Variants in FANCD2 observed in about 807,000 individuals in gnomAD.
The protein encoded by FANCD2 is Fanconi anemia group D2 protein.
A neutral mutation model predicts 192.3 loss-of-function variants in FANCD2; 131 were observed. That is an observed-to-expected ratio of 0.68 (90% CI 0.59 to 0.79). The LOEUF is 0.79. Among genes scored for constraint, FANCD2 ranks in the 30% least tolerant of loss-of-function variants. The pLI is 0.00. For missense variants in FANCD2, 1,508 were observed against 1,701.6 expected (o/e 0.89, Z 2.00); for synonymous variants, 524 against 612.5 (o/e 0.86, Z 2.13).
At chr3:10,029,000 C>T (rs967641358) in intron 2 of FANCD2, among the ~76,000 whole-genome samples, 2 of 152,108 alleles carry the variant, frequency 1.3e-5, no homozygotes, top group African/African-American at 4.8e-5. Context: ...GGTGTTGAGA[C>T]ACAAAGACAT....
At chr3:10,032,141 G>A (rs183218655) in intron 2 of FANCD2, among the ~76,000 whole-genome samples, 147 of 152,192 alleles carry the variant, frequency 9.7e-4, no homozygotes, top group African/African-American at 3.4e-3. Flanking sequence ...CACTGTGCTG[G>A]GTCGGAAATA....
chr3:10,079,230 C>A (rs1693692828), intron 30 of FANCD2, among the ~76,000 whole-genome samples: 1 of 150,308 alleles, frequency 6.7e-6, no homozygotes, highest in East Asian at 2.0e-4. Context: ...GGCATTAGAA[C>A]AAGACTCTGT....
intron 29 of FANCD2, among the ~76,000 whole-genome samples, chr3:10,076,842 C>G (rs1463379074): frequency 1.3e-5 from 2 of 152,182 alleles, no homozygotes; most frequent in Admixed American, 6.5e-5. Context: ...TCTTCTGCCT[C>G]CTGAGCTCAA....
intron 16 of FANCD2, among the ~76,000 whole-genome samples, chr3:10,048,672 A>G (rs1170652785): frequency 6.6e-6 from 1 of 152,234 alleles, no homozygotes; most frequent in African/African-American, 2.4e-5. Flanking sequence ...TTATGAAAGC[A>G]AGTAAAGAAC....
chr3:10,074,395 G>C (rs998347104), intron 28 of FANCD2, 135 bp from the exon 29 acceptor site: 2 of 775,032 alleles, frequency 2.6e-6, no homozygotes, highest in Non-Finnish European at 4.1e-6. Context: ...ACTTGGGCTA[G>C]AGGAAGTTGT....
rs76825922 is a variant in FANCD2 at position 10,087,283 on chromosome 3, T to C, written c.3466+19T>C. 2 of 634,450 alleles carry C rather than the reference T, an allele frequency of 3.2e-6. No individual in the cohort carries two copies. The highest frequency in any genetic ancestry group is 3.8e-5 in the Admixed American group (1 of 26,450). 39.3% of individuals were successfully genotyped at this position (634,450 alleles called of 1,614,324 possible). A position where few individuals can be genotyped will look rare whatever the true frequency, so the allele number is the denominator to read the frequency against. ...AAAATTGGTGATGGGCCTAGATCCT[T>C]TTTTTTTTTTTTTTTTTAATGAATA... On this transcript the variant is annotated intron_variant, in intron 34 of 43. Coordinates refer to ENST00000675286, the MANE Select transcript of FANCD2 (RefSeq NM_001018115.3).
intron 32 of FANCD2, among the ~76,000 whole-genome samples, chr3:10,084,227 C>G (rs375948560): frequency 1.3e-5 from 2 of 151,218 alleles, no homozygotes; most frequent in Non-Finnish European, 2.9e-5. Flanking sequence ...CTCCTGACCC[C>G]GTGATCTACC....
chr3:10,041,550 T>A (rs1179331434), intron 9 of FANCD2, 73 bp from the exon 10 acceptor site: 1 of 1,026,962 alleles, frequency 9.7e-7, no homozygotes, highest in Non-Finnish European at 1.5e-6. Context: ...TAATAAATGA[T>A]TTTCTCAAGT....
Position 10,081,148 on chromosome 3 carries a change from G to A in FANCD2, c.3025G>A (p.Ala1009Thr), listed in dbSNP as rs2125059522. 6.2e-7 allele frequency: 1 copy of A among 1,614,068 alleles called. No individual in the cohort carries two copies. Among genetic ancestry groups the A allele is most frequent in the South Asian group, 1.1e-5 (1 of 91,080 alleles). ...ATTCTCACATCTCCAACAGAGATCT[G>A]CCCAAGAAATTGTTCATTGTGTTTT... Reference protein sequence around the residue: ...IGFSHLQQRSAQEIVHCVFQL... With the variant: ...IGFSHLQQRSTQEIVHCVFQL... The change falls in exon 31 of 44, where the codon GCC (alanine) becomes ACC (threonine). Residue 1009 changes from alanine to threonine, a missense_variant. Physicochemically the swap from Ala to Thr is moderately conservative, Grantham distance 58 (BLOSUM62 0). This residue lies in a region of FANCD2 where 796 missense variants were observed against 879.4 expected (regional missense o/e 0.91). Transcript: ENST00000675286.
At chr3:10,097,619 A>G (rs1181004852) in intron 42 of FANCD2, among the ~76,000 whole-genome samples, 1 of 152,120 alleles carries the variant, frequency 6.6e-6, no homozygotes, top group African/African-American at 2.4e-5. Context: ...GGGTGCCCAC[A>G]TTTCATATTG....
At chr3:10,040,616 T>G in intron 9 of FANCD2, 1 of 455,612 alleles carries the variant, frequency 2.2e-6, no homozygotes, top group Non-Finnish European at 4.4e-6. Flanking sequence ...TGAAAAATAG[T>G]AATTGGTAGG....
chr3:10,039,668 C>G, intron 8 of FANCD2, 53 bp from the exon 9 acceptor site: 2 of 1,608,424 alleles, frequency 1.2e-6, no homozygotes, highest in Non-Finnish European at 1.7e-6. Flanking sequence ...CGTAGGTAGT[C>G]TTTCTTTATT....
chr3:10,063,278 TA>T (rs1001023627), intron 20 of FANCD2, among the ~76,000 whole-genome samples: 1 of 151,878 alleles, frequency 6.6e-6, no homozygotes, highest in African/African-American at 2.4e-5. Flanking sequence ...CTAATAAAAG[TA>T]CAAAAAAATT....
At chr3:10,033,695 A>G (rs200836353) in intron 3 of FANCD2, among the ~76,000 whole-genome samples, 953 of 87,224 alleles carry the variant, frequency 0.011, 11 homozygotes, top group Non-Finnish European at 0.015. Flanking sequence ...ATCAAAGCTA[A>G]GTCTTTTTTT....
In FANCD2 at chr3:10,094,311, C is replaced by G; in HGVS notation, c.3911C>G (p.Ala1304Gly). ...CLKYGRLFVE[A>G]FLKQCMPLLD... ...CAGTATGGGCGTCTCTTTGTGGAAG[C>G]ATTTCTGAAGCAATGTATGCCGCTC... The change falls in exon 40 of 44, where the codon GCA becomes GGA. Residue 1304 changes from alanine (A) to glycine (G), a missense_variant. Transcript: ENST00000675286. 6.2e-7 allele frequency: 1 copy of G among 1,614,052 alleles called. No homozygotes were observed. Among genetic ancestry groups the G allele is most frequent in the African/African-American group, 1.3e-5 (1 of 75,024 alleles).
intron 43 of FANCD2, 22 bp downstream of exon 43, chr3:10,098,837 G>C: frequency 6.2e-7 from 1 of 1,614,180 alleles, no homozygotes; most frequent in South Asian, 1.1e-5. Flanking sequence ...AAACCCACCA[G>C]AGTCTGGCAC....
rs558580898 is a variant in FANCD2 at position 10,057,996 on chromosome 3, G to A, written c.1657-2298G>A. On this transcript the variant is annotated intron_variant, in intron 18 of 43. Transcript: ENST00000675286. ...TATTACTCATTAGTAGCTTTTTTGA[G>A]TTAAGCTATCAAGTTTGCCCTTTCT... is the stretch of plus-strand genomic sequence containing the variant. The A allele has an allele frequency of 1.7e-5, 7 of 420,936 alleles. No individual in the cohort carries two copies. In the East Asian group the frequency reaches 3.0e-4, roughly 18 times the overall value. The allele number at this position is 420,936 out of a possible 1,614,324, so 26.1% of individuals were successfully genotyped here.
rs6782602 is a variant in FANCD2 at position 10,074,857 on chromosome 3, G to T, written c.2859+184G>T. Among the ~76,000 whole-genome samples the T allele has an allele frequency of 0.23, 34,346 of 152,128 alleles. 5,008 individuals carry two copies. Among genetic ancestry groups the T allele is most frequent in the African/African-American group, 0.42 (17,371 of 41,460 alleles). ...CTGGTGTTTGTAAGTCATAAGGTTT[G>T]TAATAATGTGTCAGACATTATAAAA... On this transcript the variant is annotated intron_variant, in intron 29 of 43. Coordinates refer to ENST00000675286, the MANE Select transcript of FANCD2 (RefSeq NM_001018115.3).
chr3:10,092,201 C>G lies in FANCD2; in HGVS notation c.3798C>G (p.Leu1266=). The G allele has an allele frequency of 6.2e-7, 1 of 1,614,016 alleles. No individual in the cohort carries two copies. Among genetic ancestry groups the G allele is most frequent in the Non-Finnish European group, 8.5e-7 (1 of 1,179,868 alleles). ...DSQQIHEEKL[L]YWNMAVRDFS... ...CCCAGATTCATGAAGAGAAACTCCTCTACTGGAACATGGCTGTTCGAGACT... is the reference window on the plus strand; with the variant it reads ...CCCAGATTCATGAAGAGAAACTCCTGTACTGGAACATGGCTGTTCGAGACT... The change falls in exon 38 of 44, where the codon CTC becomes CTG. Residue 1266 remains leucine (L), a synonymous_variant. Coordinates refer to ENST00000675286, the MANE Select transcript of FANCD2 (RefSeq NM_001018115.3).
Sources: gnomAD v4.1 joint callset for allele counts (sites outside exome capture counted in the v4.1 genomes callset) on GRCh38, gnomAD v4.1.1 for gene constraint, gnomAD v4.1.1 regional missense constraint, MANE v1.5 for transcripts, NCBI Gene and HGNC (gene_info 2026-07-23, HGNC 2026-07-21) for gene names.